The following SH2D4A variants were observed in gnomAD, a reference collection of about 807,000 sequenced individuals.
The protein encoded by SH2D4A is SH2 domain-containing protein 4A.
A neutral mutation model predicts 64.7 loss-of-function variants in SH2D4A; 70 were observed. The ratio of observed to expected loss-of-function variants is 1.08; its 90% CI spans 0.89 to 1.32. SH2D4A has a LOEUF of 1.32. Among genes scored for constraint, SH2D4A ranks in the 40% most tolerant of loss-of-function variants. The pLI, the probability that SH2D4A is intolerant of heterozygous loss-of-function variation, is 0.00. For synonymous variants in SH2D4A, 268 were observed against 200.7 expected, an observed-to-expected ratio of 1.34 and a Z score of -2.83; for missense variants, 706 against 540.1, an observed-to-expected ratio of 1.31 and a Z score of -3.04.
intron 1 of SH2D4A, 24 bp from the exon 2 acceptor site, chr8:19,319,320 A>G: frequency 8.4e-7 from 1 of 1,195,798 alleles, no homozygotes; most frequent in Non-Finnish European, 1.0e-6. Flanking sequence ...ACGCTGCCTG[A>G]ATGTGGGCTC....
intron 8 of SH2D4A, among the ~76,000 whole-genome samples, chr8:19,389,660 C>G (rs545622349): frequency 1.3e-5 from 2 of 152,304 alleles, no homozygotes; most frequent in East Asian, 3.9e-4. Flanking sequence ...ACTCTAAAAT[C>G]AACAGACTGT....
chr8:19,367,200 C>A (rs896267987), intron 7 of SH2D4A, among the ~76,000 whole-genome samples: 1 of 152,164 alleles, frequency 6.6e-6, no homozygotes, highest in Non-Finnish European at 1.5e-5. Flanking sequence ...GTGAATAGTG[C>A]TGCAATAAAC....
rs913314859 is a variant in SH2D4A, at chr8:19,391,423, G to A, written c.1049-1895G>A. Among the ~76,000 whole-genome samples the A allele has an allele frequency of 1.6e-4, 24 of 152,246 alleles. 1 individual carries two copies. The highest frequency in any genetic ancestry group is 6.8e-3 in the Middle Eastern group (2 of 294). On this transcript the variant is annotated intron_variant, in intron 8 of 9. Coordinates refer to ENST00000265807, the MANE Select transcript of SH2D4A (RefSeq NM_022071.4). ...CTCAGCAGGGAAGGGGTGGAAAAGC[G>A]ACTGGACATGATACATGCAATGCAT...
rs1563202814 is a variant in SH2D4A, at chr8:19,364,285, A to G, written c.917+3A>G. 2 of 1,614,050 alleles carry G rather than the reference A, an allele frequency of 1.2e-6. No individual in the cohort carries two copies. On this transcript the variant is annotated splice_donor_region_variant and intron_variant, in intron 7 of 9. Coordinates refer to ENST00000265807, the MANE Select transcript of SH2D4A (RefSeq NM_022071.4). ...GCATATCCTCAAAAACCTCTTAGGT[A>G]AGAAGCCACACAGATGGGTTTATGC...
At chr8:19,361,156 T>A in intron 5 of SH2D4A, 47 bp from the exon 6 acceptor site, 1 of 1,169,006 alleles carries the variant, frequency 8.6e-7, no homozygotes, top group East Asian at 2.6e-5. Context: ...AAGGTTCTTT[T>A]TTTGTTTTGT....
intron 1 of SH2D4A, among the ~76,000 whole-genome samples, chr8:19,316,191 A>G (rs1013204838): frequency 6.6e-6 from 1 of 152,240 alleles, no homozygotes; most frequent in African/African-American, 2.4e-5. Context: ...CTGACCACAG[A>G]TAGTTGTCGG....
intron 5 of SH2D4A, among the ~76,000 whole-genome samples, chr8:19,357,789 C>T (rs934106188): frequency 2.0e-4 from 31 of 152,188 alleles, no homozygotes; most frequent in African/African-American, 7.0e-4. Flanking sequence ...CTGCTTCCTC[C>T]GTCGTGTGAG....
At chr8:19,362,447 T>C (rs1322510688) in intron 6 of SH2D4A, among the ~76,000 whole-genome samples, 2 of 152,154 alleles carry the variant, frequency 1.3e-5, no homozygotes, top group Non-Finnish European at 2.9e-5. Flanking sequence ...ATGGGTCGCA[T>C]ATAGTTTTTA....
intron 8 of SH2D4A, among the ~76,000 whole-genome samples, chr8:19,393,096 A>G (rs772364636): frequency 2.4e-4 from 37 of 152,138 alleles, no homozygotes; most frequent in Non-Finnish European, 3.1e-4. Context: ...ATACCTCTAT[A>G]CATGATTTTT....
intron 4 of SH2D4A, among the ~76,000 whole-genome samples, chr8:19,338,228 C>G: frequency 6.6e-6 from 1 of 152,208 alleles, no homozygotes; most frequent in Non-Finnish European, 1.5e-5. Context: ...GACAGACCCA[C>G]TTTCTGGAAA....
chr8:19,332,029 C>T (rs976168239), intron 2 of SH2D4A, among the ~76,000 whole-genome samples: 4 of 152,092 alleles, frequency 2.6e-5, no homozygotes, highest in African/African-American at 9.7e-5. Flanking sequence ...GTAATGCATG[C>T]CTGCATTCCT....
chr8:19,327,644 T>A (rs548841780), intron 2 of SH2D4A, among the ~76,000 whole-genome samples: 1 of 152,316 alleles, frequency 6.6e-6, no homozygotes, highest in East Asian at 1.9e-4. Flanking sequence ...GTATACTCCC[T>A]GCCTGTGTTT....
At chr8:19,375,471 CA>C in intron 8 of SH2D4A, 1 of 152,252 alleles carries the variant, frequency 6.6e-6, no homozygotes. Flanking sequence ...TTTTTCACTC[CA>C]CAAAGTTTTA....
At chr8:19,353,992 ATTT>A (rs56334713) in intron 4 of SH2D4A, among the ~76,000 whole-genome samples, 13,508 of 133,572 alleles carry the variant, frequency 0.1, 699 homozygotes, top group South Asian at 0.16. Flanking sequence ...TTTTCAACTA[ATTT>A]TTTTTTTTTT....
intron 2 of SH2D4A, among the ~76,000 whole-genome samples, chr8:19,327,146 G>A (rs2052294829): frequency 6.6e-6 from 1 of 152,174 alleles, no homozygotes; most frequent in South Asian, 2.1e-4. Flanking sequence ...GTGTTGTTCT[G>A]AGCAGGACTG....
intron 4 of SH2D4A, among the ~76,000 whole-genome samples, chr8:19,340,601 C>CTTTTTTTTTTTTT (rs535915285): frequency 4.0e-5 from 4 of 100,534 alleles, no homozygotes; most frequent in South Asian, 3.4e-4. Flanking sequence ...TTCTTTCTTT[C>CTTTTTTTTTTTTT]TTTTTTTTTT....
At chr8:19,382,687 G>A (rs973841958) in intron 8 of SH2D4A, among the ~76,000 whole-genome samples, 2 of 152,058 alleles carry the variant, frequency 1.3e-5, no homozygotes, top group Non-Finnish European at 2.9e-5. Flanking sequence ...ATCATAAGTT[G>A]AGGAGCATCT....
intron 8 of SH2D4A, among the ~76,000 whole-genome samples, chr8:19,389,973 G>A (rs1027997136): frequency 1.3e-5 from 2 of 152,188 alleles, no homozygotes; most frequent in African/African-American, 2.4e-5. Context: ...CAGGTCAGAG[G>A]GAAGCAGCAC....
At chr8:19,320,697 C>T (rs1362560067) in intron 2 of SH2D4A, among the ~76,000 whole-genome samples, 1 of 151,860 alleles carries the variant, frequency 6.6e-6, no homozygotes, top group Non-Finnish European at 1.5e-5. Context: ...ATTGTCCACC[C>T]TCCTCACTCC....
Sources: gnomAD v4.1 joint callset for allele counts (sites outside exome capture counted in the v4.1 genomes callset) on GRCh38, gnomAD v4.1.1 for gene constraint, MANE v1.5 for transcripts, NCBI Gene and HGNC (gene_info 2026-07-23, HGNC 2026-07-21) for gene names.